The following PDCL2 variants were observed in gnomAD, a reference collection of about 807,000 sequenced individuals.
PDCL2 encodes the protein phosducin like 2.
A neutral mutation model predicts 30.3 loss-of-function variants in PDCL2; 23 were observed. The ratio of observed to expected loss-of-function variants is 0.76; its 90% confidence interval spans 0.55 to 1.08. PDCL2 has a LOEUF of 1.08. PDCL2 is among the 50% of genes least tolerant of loss of function. The pLI is 0.00. For missense variants in PDCL2, 243 were observed against 282.3 expected, an observed-to-expected ratio of 0.86 and a Z score of 1.00; for synonymous variants, 68 against 86.2, an observed-to-expected ratio of 0.79 and a Z score of 1.17.
chr4:55,589,176 AC>A (rs1732938741), intron 1 of PDCL2, among the ~76,000 whole-genome samples: 2 of 151,916 alleles, frequency 1.3e-5, no homozygotes, highest in African/African-American at 4.8e-5. Flanking sequence ...ATGTTTTATA[AC>A]CTATTTCTGA....
chr4:55,590,568 C>T (rs1456153327), intron 1 of PDCL2, among the ~76,000 whole-genome samples: 2 of 151,832 alleles, frequency 1.3e-5, no homozygotes, highest in African/African-American at 4.8e-5. Context: ...CTCACTGCAT[C>T]CTCCGCCTCC....
intron 1 of PDCL2, among the ~76,000 whole-genome samples, chr4:55,591,850 AAC>A (rs1183944504): frequency 6.6e-6 from 1 of 152,234 alleles, no homozygotes; most frequent in East Asian, 1.9e-4. Context: ...TTTGGTGTGA[AAC>A]ACAATACGTA....
At chr4:55,583,514 T>C (rs747074178) in intron 1 of PDCL2, among the ~76,000 whole-genome samples, 2 of 152,186 alleles carry the variant, frequency 1.3e-5, no homozygotes, top group African/African-American at 2.4e-5. Context: ...GTTTTTCCCC[T>C]GTGTTTTCTT....
intron 5 of PDCL2, 85 bp from the exon 6 acceptor site, chr4:55,556,796 G>T: frequency 9.5e-7 from 1 of 1,052,856 alleles, no homozygotes; most frequent in Non-Finnish European, 1.3e-6. Flanking sequence ...TTGACTCTTA[G>T]TAATATTACC....
At chr4:55,586,446 G>C (rs1052907909) in intron 1 of PDCL2, among the ~76,000 whole-genome samples, 8 of 152,158 alleles carry the variant, frequency 5.3e-5, no homozygotes, top group South Asian at 4.1e-4. Context: ...TTGTCCTTTT[G>C]TGACTGGCTT....
At chr4:55,558,073 A>G (rs1225178806) in intron 5 of PDCL2, among the ~76,000 whole-genome samples, 1 of 150,550 alleles carries the variant, frequency 6.6e-6, no homozygotes, top group Admixed American at 6.7e-5. Flanking sequence ...GTGGGCCGAG[A>G]TCGAGATCGC....
At chr4:55,590,196 C>CAAAA (rs1221085369) in intron 1 of PDCL2, among the ~76,000 whole-genome samples, 3,321 of 36,934 alleles carry the variant, frequency 0.09, 681 homozygotes, top group South Asian at 0.19. Flanking sequence ...GGCTCTGTCT[C>CAAAA]AAAAAAAAAA....
rs1577909445 is a variant in PDCL2 at position 55,569,926 on chromosome 4, G to A, written c.219-65C>T. 2.5e-6 allele frequency: 3 copies of A among 1,203,330 alleles called. No homozygotes were observed. In the East Asian group the frequency reaches 7.7e-5, roughly 31 times the overall value. The allele number at this position is 1,203,330 out of a possible 1,614,324, so 74.5% of individuals were successfully genotyped here. A position where few individuals can be genotyped will look rare whatever the true frequency, so the allele number is the denominator to read the frequency against. On this transcript the variant is annotated intron_variant, in intron 3 of 5. Coordinates refer to ENST00000295645, the MANE Select transcript of PDCL2 (RefSeq NM_152401.3). ...CATATTCTTAAGGTCATTCTCATAT[G>A]TAATAACAATTTAGGGCAATGAATA... is the stretch of plus-strand genomic sequence containing the variant.
chr4:55,573,528 T>A (rs988567856), intron 3 of PDCL2, among the ~76,000 whole-genome samples: 1 of 152,148 alleles, frequency 6.6e-6, no homozygotes, highest in African/African-American at 2.4e-5. Flanking sequence ...GGCGGGCAGA[T>A]CACTTGAGGT....
chr4:55,582,971 A>G (rs143256179), intron 1 of PDCL2, among the ~76,000 whole-genome samples: 2 of 151,540 alleles, frequency 1.3e-5, no homozygotes. Context: ...ATTCCCTTTT[A>G]TTTTATTTTA....
chr4:55,571,854 A>C (rs1231278072), intron 3 of PDCL2, among the ~76,000 whole-genome samples: 1 of 151,426 alleles, frequency 6.6e-6, no homozygotes, highest in Non-Finnish European at 1.5e-5. Context: ...GAAGTCCTTC[A>C]ATTTTTCCTC....
At chr4:55,571,548 A>G (rs1251437584) in intron 3 of PDCL2, among the ~76,000 whole-genome samples, 7 of 103,194 alleles carry the variant, frequency 6.8e-5, no homozygotes, top group East Asian at 3.4e-4. Context: ...TTAGCCGGGC[A>G]TGGTGGCGGG....
intron 3 of PDCL2, among the ~76,000 whole-genome samples, chr4:55,578,646 A>G (rs999781265): frequency 1.3e-5 from 2 of 152,032 alleles, no homozygotes; most frequent in Non-Finnish European, 2.9e-5. Context: ...TCTTATAATT[A>G]AAGTTATGCA....
intron 1 of PDCL2, among the ~76,000 whole-genome samples, chr4:55,587,504 A>G (rs1457742101): frequency 6.6e-6 from 1 of 151,668 alleles, no homozygotes; most frequent in Non-Finnish European, 1.5e-5. Context: ...TATCAAATAT[A>G]TGATCAGCCA....
chr4:55,563,772 T>A (rs1416552539), intron 4 of PDCL2, among the ~76,000 whole-genome samples: 1 of 152,138 alleles, frequency 6.6e-6, no homozygotes, highest in East Asian at 1.9e-4. Flanking sequence ...GTAAATCAGG[T>A]TACAGTGACA....
intron 5 of PDCL2, among the ~76,000 whole-genome samples, chr4:55,556,941 C>T (rs574894554): frequency 2.6e-5 from 4 of 152,228 alleles, no homozygotes; most frequent in East Asian, 1.9e-4. Context: ...TCAAGTGATT[C>T]TCATGCCTCA....
chr4:55,585,673 C>T (rs532869464), intron 1 of PDCL2, among the ~76,000 whole-genome samples: 52 of 152,284 alleles, frequency 3.4e-4, no homozygotes, highest in African/African-American at 7.0e-4. Flanking sequence ...CATCAGGTCC[C>T]GGACTTTTCG....
intron 3 of PDCL2, among the ~76,000 whole-genome samples, chr4:55,570,930 C>T (rs2110158470): frequency 1.3e-5 from 2 of 152,346 alleles, no homozygotes; most frequent in East Asian, 1.9e-4. Flanking sequence ...GCATCTGACA[C>T]ATTGCTGATT....
rs1732689259 is a variant in PDCL2 at position 55,580,842 on chromosome 4, A to G, written c.197T>C (p.Met66Thr). ...GTACCTATATGTTTCAACAGCCTGC[A>G]TATCTTCTTCATCAAATTCATCTTC... is the stretch of plus-strand genomic sequence containing the variant. ...EAEDEFDEED[M>T]QAVETYRKKR... is the part of the protein sequence containing the mutation. The change falls in exon 3 of 6, where the codon ATG (methionine) becomes ACG (threonine). Residue 66 changes from methionine (M) to threonine (T), a missense_variant. Transcript: ENST00000295645. 3.1e-6 allele frequency: 5 copies of G among 1,609,028 alleles called. No individual in the cohort carries two copies. The East Asian group carries it at 6.7e-5, about 22-fold the overall frequency.
Sources: gnomAD v4.1 joint callset for allele counts (sites outside exome capture counted in the v4.1 genomes callset) on GRCh38, gnomAD v4.1.1 for gene constraint, MANE v1.5 for transcripts, NCBI Gene and HGNC (gene_info 2026-07-23, HGNC 2026-07-21) for gene names.